EPHA5: variants seen among roughly 807,000 people sequenced by gnomAD.
EPHA5 encodes the protein ephrin type-A receptor 5.
A neutral mutation model predicts 105.0 loss-of-function variants in EPHA5; 60 were observed. That is an observed-to-expected ratio of 0.57 (90% CI 0.46 to 0.71). The LOEUF (loss-of-function observed/expected upper bound fraction) is 0.71, where lower values mean the gene tolerates loss of function less well. Among genes scored for constraint, EPHA5 ranks in the 30% least tolerant of loss-of-function variants. The probability of loss-of-function intolerance (pLI) is 0.00; values close to 1 mark genes in which losing one functional copy is unlikely to be tolerated. For synonymous variants in EPHA5, 513 were observed against 449.1 expected (o/e 1.14, Z -1.80); for missense variants, 1,218 against 1,274.7 (o/e 0.96, Z 0.68).
At chr4:65,510,265 G>A (rs895786284) in intron 3 of EPHA5, among the ~76,000 whole-genome samples, 3 of 149,802 alleles carry the variant, frequency 2.0e-5, no homozygotes, top group East Asian at 2.0e-4. Flanking sequence ...GGCTGGTCTC[G>A]AACTCCCAAC....
intron 5 of EPHA5, among the ~76,000 whole-genome samples, chr4:65,432,529 C>T (rs10014980): frequency 0.16 from 23,970 of 151,866 alleles, 1,956 homozygotes; most frequent in Admixed American, 0.19. Flanking sequence ...AGTTCCTTTT[C>T]GTTGTTCTGT....
intron 3 of EPHA5, among the ~76,000 whole-genome samples, chr4:65,576,338 A>G (rs551029594): frequency 6.4e-4 from 98 of 152,284 alleles, no homozygotes; most frequent in African/African-American, 2.2e-3. Context: ...CAAGTTATGC[A>G]GTAGGTGGAA....
At chr4:65,487,666 G>A (rs1217348958) in intron 5 of EPHA5, among the ~76,000 whole-genome samples, 1 of 152,128 alleles carries the variant, frequency 6.6e-6, no homozygotes, top group Admixed American at 6.5e-5. Flanking sequence ...GACAGATTCA[G>A]CTTCTTATGA....
intron 12 of EPHA5, among the ~76,000 whole-genome samples, chr4:65,352,727 T>C (rs1265860473): frequency 6.6e-6 from 1 of 151,896 alleles, no homozygotes; most frequent in Admixed American, 6.6e-5. Flanking sequence ...CTTTTTTCCC[T>C]TTTTACATTT....
intron 5 of EPHA5, among the ~76,000 whole-genome samples, chr4:65,433,727 G>A (rs1725211215): frequency 6.6e-6 from 1 of 152,124 alleles, no homozygotes; most frequent in Admixed American, 6.6e-5. Flanking sequence ...ATCCTCTAAA[G>A]ACTACTGGAC....
intron 3 of EPHA5, among the ~76,000 whole-genome samples, chr4:65,538,565 A>T (rs1205564046): frequency 6.6e-6 from 1 of 151,768 alleles, no homozygotes; most frequent in Non-Finnish European, 1.5e-5. Context: ...TCAATAAAAT[A>T]TACACTCTGG....
intron 3 of EPHA5, among the ~76,000 whole-genome samples, chr4:65,534,451 C>G (rs938132913): frequency 2.0e-5 from 3 of 151,990 alleles, no homozygotes; most frequent in Admixed American, 2.0e-4. Flanking sequence ...ACAAACAAAA[C>G]CAAACAAAAG....
At chr4:65,539,906 TTA>T (rs1322427860) in intron 3 of EPHA5, among the ~76,000 whole-genome samples, 2 of 151,664 alleles carry the variant, frequency 1.3e-5, no homozygotes, top group African/African-American at 4.8e-5. Context: ...TATATTATTA[TTA>T]TATTATGCAC....
chr4:65,614,700 C>T (rs865988120), intron 2 of EPHA5, among the ~76,000 whole-genome samples: 7 of 151,884 alleles, frequency 4.6e-5, no homozygotes, highest in Middle Eastern at 3.4e-3. Flanking sequence ...GAAATTGAAT[C>T]AAGTGATATA....
At chr4:65,478,837 A>G (rs1000905097) in intron 5 of EPHA5, among the ~76,000 whole-genome samples, 1 of 152,172 alleles carries the variant, frequency 6.6e-6, no homozygotes, top group Non-Finnish European at 1.5e-5. Flanking sequence ...AATTAGAAGA[A>G]CTTCAAGATT....
Position 65,335,564 on chromosome 4 carries a change from G to T in EPHA5, c.2789+368C>A, listed in dbSNP as rs375361871. ...TTGCTAGATATCTCTGGTTTAAAATGCATCAGTGCTTAATTGGCTTTTTCT... is the reference window on the plus strand; with the variant it reads ...TTGCTAGATATCTCTGGTTTAAAATTCATCAGTGCTTAATTGGCTTTTTCT... On this transcript the variant is annotated intron_variant, in intron 15 of 16. Transcript: ENST00000613740. Among the ~76,000 whole-genome samples, 9 of 152,096 alleles carry T rather than the reference G, an allele frequency of 5.9e-5. No homozygotes were observed. The East Asian group carries it at 1.6e-3, about 26-fold the overall frequency.
At chr4:65,629,662 G>A (rs1746451052) in intron 2 of EPHA5, among the ~76,000 whole-genome samples, 1 of 152,180 alleles carries the variant, frequency 6.6e-6, no homozygotes. Context: ...GAATTCCTAA[G>A]AGACACTAAT....
At chr4:65,398,142 C>T (rs957137691) in intron 8 of EPHA5, among the ~76,000 whole-genome samples, 1 of 152,186 alleles carries the variant, frequency 6.6e-6, no homozygotes, top group Non-Finnish European at 1.5e-5. Flanking sequence ...CTGAGAAGCC[C>T]CCTGCCCCTG....
intron 13 of EPHA5, among the ~76,000 whole-genome samples, chr4:65,350,186 G>T (rs770901832): frequency 6.6e-6 from 1 of 152,008 alleles, no homozygotes; most frequent in African/African-American, 2.4e-5. Flanking sequence ...ATTCCCAAAA[G>T]AATTCTTAAT....
At chr4:65,350,867 GC>G (rs1392151935) in intron 13 of EPHA5, among the ~76,000 whole-genome samples, 1 of 151,962 alleles carries the variant, frequency 6.6e-6, no homozygotes, top group Non-Finnish European at 1.5e-5. Flanking sequence ...TGAAGGAATA[GC>G]TCTTTTTTCC....
intron 5 of EPHA5, among the ~76,000 whole-genome samples, chr4:65,424,248 T>C (rs1724210161): frequency 6.6e-6 from 1 of 152,066 alleles, no homozygotes; most frequent in Non-Finnish European, 1.5e-5. Context: ...CAAAATCCTG[T>C]CATCAGTTGT....
intron 7 of EPHA5, among the ~76,000 whole-genome samples, chr4:65,408,585 A>G (rs531531331): frequency 1.6e-3 from 240 of 152,302 alleles, no homozygotes; most frequent in African/African-American, 5.2e-3. Context: ...AAACACATGA[A>G]AAAATGCTCA....
At chr4:65,623,996 G>T (rs2149480391) in intron 2 of EPHA5, among the ~76,000 whole-genome samples, 1 of 152,170 alleles carries the variant, frequency 6.6e-6, no homozygotes, top group Non-Finnish European at 1.5e-5. Flanking sequence ...TTTAGAAAAT[G>T]CTAAAAATGT....
intron 2 of EPHA5, among the ~76,000 whole-genome samples, chr4:65,638,838 C>A (rs4643869): frequency 2.6e-5 from 4 of 152,004 alleles, no homozygotes; most frequent in African/African-American, 7.2e-5. Context: ...TCCTCTTACC[C>A]AAGTTTTATA....
Sources: gnomAD v4.1 joint callset for allele counts (sites outside exome capture counted in the v4.1 genomes callset) on GRCh38, gnomAD v4.1.1 for gene constraint, MANE v1.5 for transcripts, NCBI Gene and HGNC (gene_info 2026-07-23, HGNC 2026-07-21) for gene names.